CIMIP7: variants seen among roughly 807,000 people sequenced by gnomAD.
CIMIP7 encodes the protein ciliary microtubule inner protein 7.
At chr3:49,185,302 C>T in the CIMIP7 span, among the ~76,000 whole-genome samples, 1 of 151,448 alleles carries the variant, frequency 6.6e-6, no homozygotes, top group Non-Finnish European at 1.5e-5. Flanking sequence ...GGGTGGCTCA[C>T]ACCTGTAATC....
the CIMIP7 span, among the ~76,000 whole-genome samples, chr3:49,185,888 C>T: frequency 6.6e-6 from 1 of 151,614 alleles, no homozygotes; most frequent in Non-Finnish European, 1.5e-5. Flanking sequence ...GATGGGGTTT[C>T]ACTATGTTGG....
At chr3:49,177,821 G>C in the CIMIP7 span, 3 of 1,612,986 alleles carry the variant, frequency 1.9e-6, no homozygotes, top group Admixed American at 5.0e-5. Context: ...CAGAAGTTCT[G>C]CTGGTAGGTG....
chr3:49,186,754 G>A, the CIMIP7 span, among the ~76,000 whole-genome samples: 6 of 152,070 alleles, frequency 3.9e-5, no homozygotes, highest in East Asian at 5.8e-4. Context: ...ACGCACGCAC[G>A]CACGCACGCA....
At chr3:49,189,026 G>A in the CIMIP7 span, among the ~76,000 whole-genome samples, 5 of 150,662 alleles carry the variant, frequency 3.3e-5, no homozygotes, top group African/African-American at 4.9e-5. Flanking sequence ...ATGCAATGGC[G>A]CTATCTGATC....
the CIMIP7 span, among the ~76,000 whole-genome samples, chr3:49,183,034 G>A: frequency 6.6e-6 from 1 of 152,106 alleles, no homozygotes; most frequent in South Asian, 2.1e-4. Context: ...GAGCCGTCTC[G>A]GGCCTCGGCA....
At chr3:49,186,757 C>A in the CIMIP7 span, among the ~76,000 whole-genome samples, 1 of 152,232 alleles carries the variant, frequency 6.6e-6, no homozygotes, top group East Asian at 1.9e-4. Context: ...CACGCACGCA[C>A]GCACGCAGAA....
the CIMIP7 span, among the ~76,000 whole-genome samples, chr3:49,179,085 G>C: frequency 1.3e-5 from 2 of 152,096 alleles, no homozygotes; most frequent in Non-Finnish European, 2.9e-5. Flanking sequence ...GTCATCCCCA[G>C]ACACACTCCA....
the CIMIP7 span, chr3:49,191,688 G>T: frequency 1.9e-6 from 3 of 1,568,472 alleles, no homozygotes; most frequent in Non-Finnish European, 1.7e-6. Flanking sequence ...GACTCAGTCA[G>T]ATTTCAGGTA....
At chr3:49,190,071 AGGT>A in the CIMIP7 span, 2 of 1,613,240 alleles carry the variant, frequency 1.2e-6, no homozygotes, top group Non-Finnish European at 1.7e-6. Context: ...CTTGGCTGCA[AGGT>A]GGTATTCTCT....
At chr3:49,178,848 C>T in the CIMIP7 span, among the ~76,000 whole-genome samples, 2 of 152,160 alleles carry the variant, frequency 1.3e-5, no homozygotes, top group Non-Finnish European at 2.9e-5. Flanking sequence ...TCAAGTTGGG[C>T]CTTAACTCTT....
At chr3:49,186,276 G>T in the CIMIP7 span, among the ~76,000 whole-genome samples, 1 of 151,698 alleles carries the variant, frequency 6.6e-6, no homozygotes, top group African/African-American at 2.4e-5. Flanking sequence ...TGGGATTACA[G>T]GTGTAGCCTG....
the CIMIP7 span, among the ~76,000 whole-genome samples, chr3:49,186,300 C>A: frequency 6.6e-6 from 1 of 151,948 alleles, no homozygotes; most frequent in Admixed American, 6.6e-5. Context: ...TGCAGTGTTG[C>A]GATCTCAGCT....
At chr3:49,180,929 CAAAAAAA>C in the CIMIP7 span, among the ~76,000 whole-genome samples, 6 of 65,924 alleles carry the variant, frequency 9.1e-5, no homozygotes, top group Non-Finnish European at 1.1e-4. Context: ...GACTCCGTCT[CAAAAAAA>C]AAAAAAAAAA....
the CIMIP7 span, among the ~76,000 whole-genome samples, chr3:49,182,254 G>A: frequency 6.6e-6 from 1 of 152,032 alleles, no homozygotes; most frequent in African/African-American, 2.4e-5. Flanking sequence ...CTCTTATCTG[G>A]CCCCACCCAC....
At chr3:49,189,312 T>C in the CIMIP7 span, among the ~76,000 whole-genome samples, 3 of 151,960 alleles carry the variant, frequency 2.0e-5, no homozygotes, top group African/African-American at 7.3e-5. Flanking sequence ...GGTTTCACCA[T>C]GTTGGCCAGA....
the CIMIP7 span, among the ~76,000 whole-genome samples, chr3:49,181,078 A>G: frequency 6.6e-6 from 1 of 152,100 alleles, no homozygotes; most frequent in South Asian, 2.1e-4. Flanking sequence ...ACAGTGGCTC[A>G]TGCCTATAAT....
the CIMIP7 span, chr3:49,178,614 C>CA: frequency 7.5e-7 from 1 of 1,335,286 alleles, no homozygotes; most frequent in African/African-American, 1.4e-5. Flanking sequence ...ATCACTGCCT[C>CA]AGGGTCCTTA....
the CIMIP7 span, among the ~76,000 whole-genome samples, chr3:49,179,448 A>G: frequency 6.6e-6 from 1 of 152,184 alleles, no homozygotes; most frequent in Non-Finnish European, 1.5e-5. Flanking sequence ...TATTTGTGAT[A>G]GCCAAAGTCA....
the CIMIP7 span, among the ~76,000 whole-genome samples, chr3:49,189,593 C>A: frequency 1.3e-5 from 2 of 152,216 alleles, no homozygotes; most frequent in Non-Finnish European, 2.9e-5. Context: ...TAACCAGCTG[C>A]CTCCTGTACT....
Sources: allele counts gnomAD v4.1 joint callset (sites outside exome capture counted in the v4.1 genomes callset), GRCh38; gene constraint gnomAD v4.1.1; transcripts MANE v1.5; gene names NCBI Gene and HGNC (gene_info 2026-07-23, HGNC 2026-07-21).